Variants in LRIT2 observed in about 807,000 individuals in gnomAD.
LRIT2 encodes leucine-rich repeat, immunoglobulin-like domain and transmembrane domain-containing protein 2.
LRIT2 carries 23 observed loss-of-function variants against 22.4 expected under a neutral mutation model. The ratio of observed to expected loss-of-function variants is 1.03; its 90% CI spans 0.74 to 1.45. The LOEUF is 1.45. LRIT2 is among the 40% of genes most tolerant of loss of function. The probability of loss-of-function intolerance (pLI) is 0.00; values close to 1 mark genes in which losing one functional copy is unlikely to be tolerated. For synonymous variants in LRIT2, 291 were observed against 267.1 expected (o/e 1.09, Z -0.87); for missense variants, 784 against 665.6 (o/e 1.18, Z -1.96).
rs755829663 is a variant in LRIT2, at chr10:84,224,707, T to A, written c.518A>T (p.Asn173Ile). ...CCGGCATTTCTGGTAGGCTGGCCAG[T>A]TCAGGAAGACACTCTTGGATACAAC... Reference protein sequence around the residue: ...LTVVSKSVFLNWPAYQKCRQP... With the variant: ...LTVVSKSVFLIWPAYQKCRQP... The change falls in exon 2 of 3, where the codon AAC becomes ATC. Residue 173 changes from asparagine (N) to isoleucine (I), a missense_variant. Coordinates refer to ENST00000372113, the MANE Select transcript of LRIT2 (RefSeq NM_001017924.5). 3 of 1,614,154 alleles carry A rather than the reference T, an allele frequency of 1.9e-6. No homozygotes were observed. The highest frequency in any genetic ancestry group is 1.3e-5 in the African/African-American group (1 of 75,030).
In LRIT2 at chr10:84,224,958, G is replaced by A. The variant is rs1451861754; in HGVS notation, c.267C>T (p.Asn89=). 2 of 1,614,024 alleles carry A rather than the reference G, an allele frequency of 1.2e-6. No homozygotes were observed. Among genetic ancestry groups the A allele is most frequent in the African/African-American group, 1.3e-5 (1 of 74,902 alleles). The change falls in exon 2 of 3, where the codon AAC becomes AAT. Residue 89 remains asparagine, a synonymous_variant. Transcript: ENST00000372113. ...STLEYLWLNF[N]NISVIHLGAL... ...CTCCTAGGTGGATCACACTGATATT[G>A]TTAAAATTGAGCCAGAGGTATTCCA...
intron 2 of LRIT2, among the ~76,000 whole-genome samples, chr10:84,223,732 T>A (rs541835482): frequency 6.6e-6 from 1 of 152,262 alleles, no homozygotes; most frequent in East Asian, 1.9e-4. Flanking sequence ...TAATCCCAGC[T>A]GAGGTATGAA....
intron 2 of LRIT2, among the ~76,000 whole-genome samples, chr10:84,224,086 T>C (rs1842537030): frequency 6.6e-6 from 1 of 152,232 alleles, no homozygotes; most frequent in Non-Finnish European, 1.5e-5. Flanking sequence ...CCCTGAAATA[T>C]GTGTTTATAT....
chr10:84,222,733 A>T, intron 2 of LRIT2, 53 bp from the exon 3 acceptor site: 1 of 1,597,836 alleles, frequency 6.3e-7, no homozygotes, highest in Non-Finnish European at 8.6e-7. Flanking sequence ...AGACTGCTGG[A>T]AAGTGTCTAG....
At chr10:84,222,950 A>G (rs1030707576) in intron 2 of LRIT2, 1 of 685,254 alleles carries the variant, frequency 1.5e-6, no homozygotes, top group Non-Finnish European at 2.7e-6. Flanking sequence ...CAGAAGCAAC[A>G]ATTGATATGG....
At position 84,222,166 on chromosome 10, in the gene LRIT2, G is replaced by T. The variant is rs1842514731; in HGVS notation, c.1407C>A (p.Val469=). Residue 469 remains valine, a synonymous_variant, in exon 3 of 3, where the codon GTC becomes GTA. Coordinates refer to ENST00000372113, the MANE Select transcript of LRIT2 (RefSeq NM_001017924.5). ...AREHLLHVTV[V]LCVVLLAVPV... is the part of the protein sequence containing the mutation. ...GCACTGCAAGCAGCACCACACACAG[G>T]ACCACTGTGACATGCAGGAGGTGCT... 12 of 1,614,022 alleles carry T rather than the reference G, an allele frequency of 7.4e-6. No individual in the cohort carries two copies. The highest frequency in any genetic ancestry group is 1.0e-5 in the Non-Finnish European group (12 of 1,180,010).
In LRIT2 at chr10:84,221,385, A is replaced by T. The variant is rs571238624; in HGVS notation, c.*535T>A. 6.6e-6 allele frequency: 1 copy of T among 152,416 alleles called. No individual in the cohort carries two copies. The highest frequency in any genetic ancestry group is 2.4e-5 in the African/African-American group (1 of 41,574). 9.4% of individuals were successfully genotyped at this position (152,416 alleles called of 1,614,324 possible). The stretch of plus-strand genomic sequence containing the variant: ...GAGAGAGGGTCACACTTTATAAACA[A>T]TGAAAGACACAAGAATACCGCAAAA... On this transcript the variant is annotated 3_prime_UTR_variant, in exon 3 of 3. Coordinates refer to ENST00000372113, the MANE Select transcript of LRIT2 (RefSeq NM_001017924.5).
chr10:84,224,797 G>A lies in LRIT2; in HGVS notation c.428C>T (p.Pro143Leu). ...DLKRNKIDAL[P>L]ELALQFLVSL... is the part of the protein sequence containing the mutation. ...GACCAAGAATTGAAGAGCCAGCTCA[G>A]GGAGTGCATCAATCTTGTTGCGTTT... Residue 143 changes from proline to leucine, a missense_variant, in exon 2 of 3, where the codon CCT (proline) becomes CTT (leucine). By Grantham distance (98) the Pro-to-Leu change is moderately conservative. Transcript: ENST00000372113. 6.2e-7 allele frequency: 1 copy of A among 1,614,076 alleles called. No individual in the cohort carries two copies. Among genetic ancestry groups the A allele is most frequent in the South Asian group, 1.1e-5 (1 of 91,070 alleles).
At position 84,224,756 on chromosome 10, in the gene LRIT2, C is replaced by T. The variant is rs368409346; in HGVS notation, c.469G>A (p.Asp157Asn). The change falls in exon 2 of 3, where the codon GAC becomes AAC. Residue 157 changes from aspartate (D) to asparagine (N), a missense_variant. Transcript: ENST00000372113. ...ACTGTAAGCCTATTGGAGGATAGGT[C>T]AAGGTAGGTCAGGCTGACCAAGAAT... ...LQFLVSLTYL[D>N]LSSNRLTVVS... 65 of 1,613,990 alleles carry T rather than the reference C, an allele frequency of 4.0e-5. No individual in the cohort carries two copies. In the Middle Eastern group the frequency reaches 4.9e-4, roughly 12 times the overall value.
chr10:84,225,204 G>T, intron 1 of LRIT2, 90 bp from the exon 2 acceptor site: 1 of 1,297,236 alleles, frequency 7.7e-7, no homozygotes, highest in South Asian at 1.5e-5. Flanking sequence ...ATGTGAATCA[G>T]AATAAAAATA....
In LRIT2 at chr10:84,224,802, T is replaced by C; in HGVS notation, c.423A>G (p.Ala141=). Residue 141 remains alanine (A), a synonymous_variant, in exon 2 of 3, where the codon GCA becomes GCG. Coordinates refer to ENST00000372113, the MANE Select transcript of LRIT2 (RefSeq NM_001017924.5). The stretch of plus-strand genomic sequence containing the variant: ...AGAATTGAAGAGCCAGCTCAGGGAG[T>C]GCATCAATCTTGTTGCGTTTGAGAT... ...VLDLKRNKID[A]LPELALQFLV... is the part of the protein sequence containing the mutation. 6.2e-7 allele frequency: 1 copy of C among 1,613,692 alleles called. No homozygotes were observed. Among genetic ancestry groups the C allele is most frequent in the East Asian group, 2.2e-5 (1 of 44,826 alleles).
rs1461681315 is a variant in LRIT2 at position 84,221,140 on chromosome 10, C to T, written c.*780G>A. 4 of 152,232 alleles carry T rather than the reference C, an allele frequency of 2.6e-5. No individual in the cohort carries two copies. The highest frequency in any genetic ancestry group is 5.9e-5 in the Non-Finnish European group (4 of 68,076). The allele number at this position is 152,232 out of a possible 1,614,324, so 9.4% of individuals were successfully genotyped here. ...GGTGCTCTTCCTTCTGGGTATGGCC[C>T]TGCAGAGTCTGCTCTCTGCCAGACC... On this transcript the variant is annotated 3_prime_UTR_variant, in exon 3 of 3. Transcript: ENST00000372113.
rs41291370 is a variant in LRIT2, at chr10:84,221,628, T to C, written c.*292A>G. 888 of 273,218 alleles carry C rather than the reference T, an allele frequency of 3.3e-3. 3 individuals carry two copies. The highest frequency in any genetic ancestry group is 5.0e-3 in the Non-Finnish European group (728 of 145,208). 16.9% of individuals were successfully genotyped at this position (273,218 alleles called of 1,614,324 possible). ...ATGTAAATGTTATAGGCTAAGTATA[T>C]GCAAAGAGTAATATTTAGTGATTTC... On this transcript the variant is annotated 3_prime_UTR_variant, in exon 3 of 3. Coordinates refer to ENST00000372113, the MANE Select transcript of LRIT2 (RefSeq NM_001017924.5).
At position 84,222,252 on chromosome 10, in the gene LRIT2, G is replaced by A; in HGVS notation, c.1321C>T (p.His441Tyr). The A allele has an allele frequency of 1.2e-6, 2 of 1,614,232 alleles. No individual in the cohort carries two copies. The highest frequency in any genetic ancestry group is 1.7e-6 in the Non-Finnish European group (2 of 1,180,048). Reference protein sequence around the residue: ...ACLSLEGQPPHQGQCVAFVTG... With the variant: ...ACLSLEGQPPYQGQCVAFVTG... ...ACAAAAGCTACACACTGGCCCTGGT[G>A]TGGAGGCTGGCCCTCTAGGCTGAGG... Residue 441 changes from histidine to tyrosine, a missense_variant, in exon 3 of 3, where the codon CAC becomes TAC. By Grantham distance (83) the His-to-Tyr change is moderately conservative. Coordinates refer to ENST00000372113, the MANE Select transcript of LRIT2 (RefSeq NM_001017924.5).
chr10:84,225,155 G>T, intron 1 of LRIT2, 41 bp from the exon 2 acceptor site: 1 of 1,541,138 alleles, frequency 6.5e-7, no homozygotes, highest in African/African-American at 1.4e-5. Flanking sequence ...AAACAACAGG[G>T]GACTGAAAAG....
chr10:84,222,882 A>C, intron 2 of LRIT2: 1 of 713,162 alleles, frequency 1.4e-6, no homozygotes, highest in East Asian at 2.7e-5. Flanking sequence ...ACTGATCTTT[A>C]CACATAGGAT....
At chr10:84,225,162 A>C in intron 1 of LRIT2, 48 bp from the exon 2 acceptor site, 1 of 1,522,084 alleles carries the variant, frequency 6.6e-7, no homozygotes, top group South Asian at 1.3e-5. Context: ...AGGGGACTGA[A>C]AAGTGGGGTC....
Position 84,222,365 on chromosome 10 carries a change from G to T in LRIT2, c.1208C>A (p.Ala403Asp), listed in dbSNP as rs149589280. Residue 403 changes from alanine to aspartate, a missense_variant, in exon 3 of 3, where the codon GCC (alanine) becomes GAC (aspartate). Transcript: ENST00000372113. The stretch of plus-strand genomic sequence containing the variant: ...AATGTGAACCACCTCCTTCCTGAAG[G>T]CTTCATCCGATGCAATGTAGAGGGT... ...WFTLYIASDE[A>D]FRKEVVHIGP... is the part of the protein sequence containing the mutation. 5.0e-6 allele frequency: 8 copies of T among 1,614,136 alleles called. No individual in the cohort carries two copies. The South Asian group carries it at 6.6e-5, about 13-fold the overall frequency.
chr10:84,222,146 G>A lies in LRIT2; in HGVS notation c.1427C>T (p.Ala476Val). The stretch of plus-strand genomic sequence containing the variant: ...CCAGGCATAGGCGCCCACAGGCACT[G>A]CAAGCAGCACCACACACAGGACCAC... ...VTVVLCVVLL[A>V]VPVGAYAWAA... Residue 476 changes from alanine to valine, a missense_variant, in exon 3 of 3, where the codon GCA becomes GTA. Transcript: ENST00000372113. 6.2e-7 allele frequency: 1 copy of A among 1,611,788 alleles called. No homozygotes were observed. The highest frequency in any genetic ancestry group is 1.1e-5 in the South Asian group (1 of 91,026).
Sources: gnomAD v4.1 joint callset for allele counts (sites outside exome capture counted in the v4.1 genomes callset) on GRCh38, gnomAD v4.1.1 for gene constraint, MANE v1.5 for transcripts, NCBI Gene and HGNC (gene_info 2026-07-23, HGNC 2026-07-21) for gene names.